FRYL: variants seen among roughly 807,000 people sequenced by gnomAD.
The protein encoded by FRYL is FRY like transcription coactivator.
A neutral mutation model predicts 351.2 loss-of-function variants in FRYL; 150 were observed. The ratio of observed to expected loss-of-function variants is 0.43; its 90% CI spans 0.37 to 0.49. FRYL has a LOEUF of 0.49. Among genes scored for constraint, FRYL ranks in the 20% least tolerant of loss-of-function variants. FRYL has a pLI of 0.00. For synonymous variants in FRYL, 1,153 were observed against 1,257.1 expected (o/e 0.92, Z 1.75); for missense variants, 3,036 against 3,619.3 (o/e 0.84, Z 4.13).
chr4:48,543,769 A>T, intron 44 of FRYL, 38 bp downstream of exon 44: 2 of 1,564,822 alleles, frequency 1.3e-6, no homozygotes, highest in Non-Finnish European at 1.7e-6. Flanking sequence ...GACAACTAGT[A>T]GCTGCTCAAT....
chr4:48,539,882 AAGG>A, intron 47 of FRYL, 86 bp downstream of exon 47: 1 of 907,908 alleles, frequency 1.1e-6, no homozygotes, highest in Non-Finnish European at 1.7e-6. Flanking sequence ...GTGACAATAA[AAGG>A]AGTTTTAAGA....
In FRYL at chr4:48,557,092, C is replaced by T. The variant is rs201146354; in HGVS notation, c.4152G>A (p.Glu1384=). The T allele has an allele frequency of 6.2e-7, 1 of 1,603,262 alleles. No homozygotes were observed. The highest frequency in any genetic ancestry group is 1.4e-5 in the African/African-American group (1 of 73,224). ...AKYGDELAWS[E]VENVWTTLAD... is the part of the protein sequence containing the mutation. Reference sequence around the variant, plus strand: ...CAAGTGTGGTCCACACATTCTCCACCTCCGACCAGGCCAGTTCATCGCCAT... The same window carrying T: ...CAAGTGTGGTCCACACATTCTCCACTTCCGACCAGGCCAGTTCATCGCCAT... Residue 1384 remains glutamate, a synonymous_variant, in exon 35 of 64, where the codon GAG becomes GAA. Coordinates refer to ENST00000358350, the MANE Select transcript of FRYL (RefSeq NM_015030.2).
Position 48,595,801 on chromosome 4 carries a change from C to T in FRYL, c.1139+96G>A, listed in dbSNP as rs141393722. 1,971 of 1,096,292 alleles carry T rather than the reference C, an allele frequency of 1.8e-3. 4 individuals are homozygous for T. The highest frequency in any genetic ancestry group is 2.2e-3 in the Non-Finnish European group (1,628 of 754,710). The allele number at this position is 1,096,292 out of a possible 1,614,324, so 67.9% of individuals were successfully genotyped here. A position where few individuals can be genotyped will look rare whatever the true frequency, so the allele number is the denominator to read the frequency against. On this transcript the variant is annotated intron_variant, in intron 14 of 63. Transcript: ENST00000358350. ...TAATATATTGACAGAATTCATATTC[C>T]ACCCACAAAGTATAATGTTTACTAA...
intron 1 of FRYL, among the ~76,000 whole-genome samples, chr4:48,732,654 T>TTC (rs914419943): frequency 6.6e-6 from 1 of 151,904 alleles, no homozygotes; most frequent in African/African-American, 2.4e-5. Context: ...GAAACCATCA[T>TTC]TCTCAGCAAA....
chr4:48,553,421 A>C, intron 35 of FRYL, 38 bp from the exon 36 acceptor site: 1 of 1,476,840 alleles, frequency 6.8e-7, no homozygotes. Flanking sequence ...GAAAAAGCAA[A>C]GTTTTTATCT....
Position 48,561,588 on chromosome 4 carries a change from T to C in FRYL, c.3745A>G (p.Arg1249Gly). The part of the protein sequence containing the change: ...FRYAHKLEVQ[R>G]TDGVLSQLSP... The stretch of plus-strand genomic sequence containing the variant: ...AGCTGGCTGAGTACTCCATCTGTTC[T>C]CTGAACCTCCAATTTGTGAGCATAG... The change falls in exon 33 of 64, where the codon AGA (arginine) becomes GGA (glycine). Residue 1249 changes from arginine (R) to glycine (G), a missense_variant. Arg to Gly is a moderately radical substitution (Grantham distance 125). Transcript: ENST00000358350. 6.2e-7 allele frequency: 1 copy of C among 1,612,362 alleles called. No individual in the cohort carries two copies. Among genetic ancestry groups the C allele is most frequent in the Non-Finnish European group, 8.5e-7 (1 of 1,178,848 alleles).
At chr4:48,568,398 T>G (rs1737345501) in intron 27 of FRYL, among the ~76,000 whole-genome samples, 1 of 152,158 alleles carries the variant, frequency 6.6e-6, no homozygotes, top group Non-Finnish European at 1.5e-5. Context: ...TAAGCATATA[T>G]CCAGTATCTA....
intron 47 of FRYL, 108 bp downstream of exon 47, chr4:48,539,862 CA>C: frequency 1.3e-6 from 1 of 751,934 alleles, no homozygotes; most frequent in South Asian, 2.2e-5. Flanking sequence ...ATGCAAAATT[CA>C]TATGGGAAGT....
chr4:48,555,084 A>G (rs1733780007), intron 35 of FRYL, among the ~76,000 whole-genome samples: 1 of 152,230 alleles, frequency 6.6e-6, no homozygotes, highest in Non-Finnish European at 1.5e-5. Context: ...AAGCACCCAT[A>G]ATAAGTGCTT....
At chr4:48,626,406 A>T (rs1048378393) in intron 4 of FRYL, among the ~76,000 whole-genome samples, 1 of 152,128 alleles carries the variant, frequency 6.6e-6, no homozygotes, top group Admixed American at 6.5e-5. Context: ...GTTCTGTTAA[A>T]CAAAATTAAC....
intron 3 of FRYL, among the ~76,000 whole-genome samples, chr4:48,677,877 T>C (rs1224924028): frequency 6.6e-6 from 1 of 152,194 alleles, no homozygotes; most frequent in Non-Finnish European, 1.5e-5. Flanking sequence ...CTCCTTTCAG[T>C]AAATGAACAA....
At position 48,549,567 on chromosome 4, in the gene FRYL, C is replaced by T. The variant is rs375428864; in HGVS notation, c.4690G>A (p.Gly1564Arg). 5.6e-6 allele frequency: 9 copies of T among 1,613,352 alleles called. No homozygotes were observed. The highest frequency in any genetic ancestry group is 1.3e-5 in the African/African-American group (1 of 74,904). The change falls in exon 39 of 64, where the codon GGA (glycine) becomes AGA (arginine). Residue 1564 changes from glycine (G) to arginine (R), a missense_variant. Gly to Arg is a moderately radical substitution (Grantham distance 125). Coordinates refer to ENST00000358350, the MANE Select transcript of FRYL (RefSeq NM_015030.2). This position sits in a 1 kb window ranked among gnomAD's most constrained non-coding sequence, Gnocchi z 4.2. ...WRLKVMEHNQ[G>R]EPLPFPPAGG... The stretch of plus-strand genomic sequence containing the variant: ...GCTGGTGGGAAGGGCAGTGGCTCTC[C>T]TTGGTTATGCTCCATCACTTTCAGT...
At chr4:48,721,030 G>T (rs1430157410) in intron 1 of FRYL, among the ~76,000 whole-genome samples, 1 of 152,164 alleles carries the variant, frequency 6.6e-6, no homozygotes, top group African/African-American at 2.4e-5. Flanking sequence ...CTCTAAGGAG[G>T]TAGATGATTA....
At chr4:48,677,262 A>T (rs916390321) in intron 3 of FRYL, among the ~76,000 whole-genome samples, 1 of 152,240 alleles carries the variant, frequency 6.6e-6, no homozygotes, top group African/African-American at 2.4e-5. Context: ...TCTATAAATA[A>T]TTCTACAGTT....
chr4:48,563,665 A>G (rs1330823611), intron 31 of FRYL, among the ~76,000 whole-genome samples: 1 of 151,766 alleles, frequency 6.6e-6, no homozygotes, highest in Non-Finnish European at 1.5e-5. Flanking sequence ...AACTATGATC[A>G]TGCCACTGCA....
chr4:48,716,462 G>A lies in FRYL; in HGVS notation c.-383-5764C>T, dbSNP rs577834100. On this transcript the variant is annotated intron_variant, in intron 1 of 63. Transcript: ENST00000358350. ...CAAACAACCCCGTCAGAAAGTGGGC[G>A]AAGGACATGAACAGACACTTCTCAA... Among the ~76,000 whole-genome samples, 34 of 151,620 alleles carry A rather than the reference G, an allele frequency of 2.2e-4. 1 individual carries two copies. The highest frequency in any genetic ancestry group is 7.0e-4 in the African/African-American group (29 of 41,414).
At chr4:48,658,117 A>C (rs1168277014) in intron 3 of FRYL, among the ~76,000 whole-genome samples, 1 of 151,250 alleles carries the variant, frequency 6.6e-6, no homozygotes, top group Admixed American at 6.6e-5. Flanking sequence ...GATCTGAATA[A>C]AATGTTACTT....
At chr4:48,565,273 A>C (rs1008816147) in intron 29 of FRYL, among the ~76,000 whole-genome samples, 5 of 46,188 alleles carry the variant, frequency 1.1e-4, no homozygotes, top group African/African-American at 3.8e-4. Context: ...AGAAAAAGTA[A>C]TTAAGTAAGG....
chr4:48,665,105 TGGG>T (rs1373601289), intron 3 of FRYL, among the ~76,000 whole-genome samples: 2 of 152,238 alleles, frequency 1.3e-5, no homozygotes, highest in Non-Finnish European at 1.5e-5. Flanking sequence ...CTCTGTAATT[TGGG>T]GTGTGGTTAC....
Sources: allele counts gnomAD v4.1 joint callset (sites outside exome capture counted in the v4.1 genomes callset), GRCh38; gene constraint gnomAD v4.1.1; non-coding constraint Gnocchi (gnomAD v3.1); transcripts MANE v1.5; gene names NCBI Gene and HGNC (gene_info 2026-07-23, HGNC 2026-07-21).